SPATA17: variants seen among roughly 807,000 people sequenced by gnomAD.
SPATA17 encodes the protein spermatogenesis associated 17, also known as spermatogenesis-associated protein 17.
SPATA17 carries 53 observed loss-of-function variants against 62.2 expected under a neutral mutation model. That is an observed-to-expected ratio of 0.85 (90% CI 0.68 to 1.07). The LOEUF is 1.07. SPATA17 is among the 50% of genes least tolerant of loss of function. The probability of loss-of-function intolerance (pLI) is 0.00; values close to 1 mark genes in which losing one functional copy is unlikely to be tolerated. For synonymous variants in SPATA17, 146 were observed against 146.8 expected, an observed-to-expected ratio of 0.99 and a Z score of 0.04; for missense variants, 466 against 425.5, an observed-to-expected ratio of 1.10 and a Z score of -0.84.
intron 6 of SPATA17, among the ~76,000 whole-genome samples, chr1:217,742,946 T>TAA: frequency 8.9e-6 from 1 of 111,822 alleles, no homozygotes; most frequent in East Asian, 2.1e-4. Context: ...GCATCCAAAT[T>TAA]AAAATATATA....
intron 9 of SPATA17, among the ~76,000 whole-genome samples, chr1:217,825,331 CAAGT>C (rs1056111205): frequency 2.0e-4 from 31 of 151,574 alleles, no homozygotes; most frequent in Admixed American, 6.6e-4. Context: ...ATATACAGAA[CAAGT>C]AATATACATG....
At chr1:217,806,304 C>T (rs1485510386) in intron 9 of SPATA17, among the ~76,000 whole-genome samples, 3 of 152,164 alleles carry the variant, frequency 2.0e-5, no homozygotes, top group Admixed American at 2.0e-4. Context: ...CACATAGCTC[C>T]GTGTAAGGGT....
In SPATA17 at chr1:217,811,464, C is replaced by T. The variant is rs370648298; in HGVS notation, c.1005+9614C>T. ...CCTTTCTTTTTTTTCTTCCTCCTCT[C>T]CTCCCTGCCTTCCTTATTTCTCCCC... On this transcript the variant is annotated intron_variant, in intron 9 of 10. Coordinates refer to ENST00000366933, the MANE Select transcript of SPATA17 (RefSeq NM_138796.4). Among the ~76,000 whole-genome samples, 6 of 152,140 alleles carry T rather than the reference C, an allele frequency of 3.9e-5. No homozygotes were observed. The East Asian group carries it at 1.2e-3, about 29-fold the overall frequency.
chr1:217,766,479 A>G lies in SPATA17; in HGVS notation c.520-7855A>G, dbSNP rs1294307274. ...AGTACCTTATAATAACAAAATAATT[A>G]TCGTTTCTCCATCCCATCTCTTATA... is the stretch of plus-strand genomic sequence containing the variant. On this transcript the variant is annotated intron_variant, in intron 6 of 10. Transcript: ENST00000366933. Among the ~76,000 whole-genome samples, 5 of 151,952 alleles carry G rather than the reference A, an allele frequency of 3.3e-5. No homozygotes were observed. The East Asian group carries it at 9.6e-4, about 29-fold the overall frequency.
chr1:217,737,585 A>G (rs1363133188), intron 5 of SPATA17, among the ~76,000 whole-genome samples: 1 of 152,098 alleles, frequency 6.6e-6, no homozygotes, highest in African/African-American at 2.4e-5. Context: ...TACTCTGTCA[A>G]TCCCGTCATT....
chr1:217,843,026 C>T (rs1445218916), intron 9 of SPATA17, among the ~76,000 whole-genome samples: 2 of 151,372 alleles, frequency 1.3e-5, no homozygotes, highest in Non-Finnish European at 2.9e-5. Flanking sequence ...TGGAGATTTC[C>T]CAGTTATATT....
At chr1:217,759,211 CA>C (rs1673114683) in intron 6 of SPATA17, among the ~76,000 whole-genome samples, 1 of 152,126 alleles carries the variant, frequency 6.6e-6, no homozygotes, top group Non-Finnish European at 1.5e-5. Context: ...GTAATCCCAG[CA>C]ATTTGGGAGG....
chr1:217,791,982 T>A (rs867175025), intron 8 of SPATA17, among the ~76,000 whole-genome samples: 6 of 152,050 alleles, frequency 3.9e-5, no homozygotes, highest in African/African-American at 1.2e-4. Context: ...GGTGTCCAGT[T>A]TTTTGGCTTC....
chr1:217,771,062 C>T (rs1373188878), intron 6 of SPATA17, among the ~76,000 whole-genome samples: 1 of 128,912 alleles, frequency 7.8e-6, no homozygotes, highest in Admixed American at 9.2e-5. Flanking sequence ...GCTTTCACAC[C>T]TCATTTGCCA....
intron 9 of SPATA17, among the ~76,000 whole-genome samples, chr1:217,827,943 C>T (rs935543621): frequency 2.0e-5 from 3 of 152,058 alleles, no homozygotes; most frequent in Non-Finnish European, 4.4e-5. Context: ...GGGCTTAATA[C>T]CTAGTTGATG....
chr1:217,715,791 C>T (rs561677167), intron 5 of SPATA17, among the ~76,000 whole-genome samples: 248 of 152,088 alleles, frequency 1.6e-3, no homozygotes, highest in African/African-American at 5.2e-3. Flanking sequence ...GTTGTATTTC[C>T]GCTGTTATAC....
chr1:217,689,891 T>C (rs1173539011), intron 5 of SPATA17, among the ~76,000 whole-genome samples: 2 of 151,954 alleles, frequency 1.3e-5, no homozygotes, highest in African/African-American at 4.8e-5. Flanking sequence ...TTCATTTCAC[T>C]GCAGTTTTTC....
At chr1:217,765,328 A>G (rs1023618360) in intron 6 of SPATA17, among the ~76,000 whole-genome samples, 1 of 151,294 alleles carries the variant, frequency 6.6e-6, no homozygotes. Context: ...TAAATTTGCT[A>G]TTCTTTTTTC....
chr1:217,714,328 G>T (rs1279701833), intron 5 of SPATA17, among the ~76,000 whole-genome samples: 5 of 151,796 alleles, frequency 3.3e-5, no homozygotes, highest in Non-Finnish European at 5.9e-5. Flanking sequence ...GGCAGAGGTT[G>T]CAGTGAGCCG....
intron 8 of SPATA17, among the ~76,000 whole-genome samples, chr1:217,798,814 C>T (rs1674221100): frequency 8.3e-6 from 1 of 121,184 alleles, no homozygotes; most frequent in Non-Finnish European, 1.8e-5. Flanking sequence ...ACTGCTGAAA[C>T]TTGACCTGTA....
chr1:217,698,378 G>A (rs1026766236), intron 5 of SPATA17, among the ~76,000 whole-genome samples: 2 of 151,916 alleles, frequency 1.3e-5, no homozygotes, highest in African/African-American at 2.4e-5. Context: ...AGTTTGCAGT[G>A]AGCTGAGGTT....
rs1675498706 is a variant in SPATA17 at position 217,845,320 on chromosome 1, T to G, written c.1006-17454T>G. 2.0e-5 allele frequency among the ~76,000 whole-genome samples: 3 copies of G among 152,128 alleles called. No individual in the cohort carries two copies. The South Asian group carries it at 6.2e-4, about 31-fold the overall frequency. On this transcript the variant is annotated intron_variant, in intron 9 of 10. Coordinates refer to ENST00000366933, the MANE Select transcript of SPATA17 (RefSeq NM_138796.4). ...TAGATGCATTCACTATTTGCCAACA[T>G]AGAAGGCCTGTGGTTTTAGTGCTTC...
At chr1:217,743,352 A>G (rs1366718451) in intron 6 of SPATA17, among the ~76,000 whole-genome samples, 1 of 152,174 alleles carries the variant, frequency 6.6e-6, no homozygotes, top group Non-Finnish European at 1.5e-5. Context: ...AGAATTTCAA[A>G]TCAAAAATTC....
At chr1:217,790,415 T>C (rs892760473) in intron 8 of SPATA17, among the ~76,000 whole-genome samples, 4 of 152,100 alleles carry the variant, frequency 2.6e-5, no homozygotes, top group Non-Finnish European at 5.9e-5. Flanking sequence ...TTGTAGTAAA[T>C]ATCAGTAAAA....
Sources: allele counts gnomAD v4.1 joint callset (sites outside exome capture counted in the v4.1 genomes callset), GRCh38; gene constraint gnomAD v4.1.1; transcripts MANE v1.5; gene names NCBI Gene and HGNC (gene_info 2026-07-23, HGNC 2026-07-21).